CELSR3: variants seen among roughly 807,000 people sequenced by gnomAD.
CELSR3 encodes the protein cadherin EGF LAG seven-pass G-type receptor 3.
A neutral mutation model predicts 270.0 loss-of-function variants in CELSR3; 73 were observed. The ratio of observed to expected loss-of-function variants is 0.27; its 90% CI spans 0.22 to 0.33. The LOEUF (loss-of-function observed/expected upper bound fraction) is 0.33, where lower values mean the gene tolerates loss of function less well. Ranked by LOEUF, CELSR3 falls within the 10% of genes least tolerant of loss-of-function variation. CELSR3 has a pLI of 1.00. For missense variants in CELSR3, 3,614 were observed against 4,533.8 expected, an observed-to-expected ratio of 0.80 and a Z score of 5.83; for synonymous variants, 1,780 against 1,905.4, an observed-to-expected ratio of 0.93 and a Z score of 1.71.
intron 19 of CELSR3, 89 bp downstream of exon 19, chr3:48,648,177 C>A: frequency 6.8e-7 from 1 of 1,466,314 alleles, no homozygotes; most frequent in Admixed American, 1.8e-5. Flanking sequence ...TTAACATTGG[C>A]ATTGATAGCC....
chr3:48,656,823 G>C lies in CELSR3; in HGVS notation c.4274C>G (p.Pro1425Arg). Residue 1425 changes from proline (P) to arginine (R), a missense_variant, in exon 2 of 35, where the codon CCC (proline) becomes CGC (arginine). Pro to Arg is a moderately radical substitution (Grantham distance 103). Coordinates refer to ENST00000164024, the MANE Select transcript of CELSR3 (RefSeq NM_001407.3). ...CTCGCAAAAGTCTCCCGTGAATCCG[G>C]GCGGGCAGCGGCAGCGCAGGCCAGC... ...PIAGLRCRCPPGFTGDFCETE... is the reference protein window; with the variant it reads ...PIAGLRCRCPRGFTGDFCETE... 6.2e-7 allele frequency: 1 copy of C among 1,607,990 alleles called. No individual in the cohort carries two copies. The highest frequency in any genetic ancestry group is 8.5e-7 in the Non-Finnish European group (1 of 1,176,940).
chr3:48,651,837 C>T lies in CELSR3; in HGVS notation c.5923+40G>A, dbSNP rs1444589311. ...AGTCTTCATCATGGGCCCCTAACGC[C>T]TGCCCAGGTCACCCTTCCCCCAACC... On this transcript the variant is annotated intron_variant, in intron 12 of 34. Coordinates refer to ENST00000164024, the MANE Select transcript of CELSR3 (RefSeq NM_001407.3). The surrounding 1 kb of genome is among the most constrained non-coding windows in gnomAD (Gnocchi z 7.4). 6.3e-7 allele frequency: 1 copy of T among 1,578,766 alleles called. No homozygotes were observed. The highest frequency in any genetic ancestry group is 2.2e-5 in the East Asian group (1 of 44,720).
At position 48,638,094 on chromosome 3, in the gene CELSR3, C is replaced by T. The variant is rs567891164; in HGVS notation, c.*111G>A. 1 of 917,662 alleles carries T rather than the reference C, an allele frequency of 1.1e-6. No individual in the cohort carries two copies. The highest frequency in any genetic ancestry group is 1.4e-5 in the South Asian group (1 of 73,148). 56.8% of individuals were successfully genotyped at this position (917,662 alleles called of 1,614,324 possible). ...ACACCAGGTAGAGCTGGGGCACCCA[C>T]CACTGGGGAGCAGGAGGCTGCCTTG... On this transcript the variant is annotated 3_prime_UTR_variant, in exon 35 of 35. Transcript: ENST00000164024.
At chr3:48,648,238 G>GGGCCCCCCCC in intron 19 of CELSR3, 28 bp downstream of exon 19, 3 of 1,342,602 alleles carry the variant, frequency 2.2e-6, no homozygotes, top group Non-Finnish European at 3.2e-6. Context: ...CCCCTGCTGT[G>GGGCCCCCCCC]CCCCGCCCTA....
At position 48,652,191 on chromosome 3, in the gene CELSR3, C is replaced by A; in HGVS notation, c.5752-143G>T. On this transcript the variant is annotated intron_variant, in intron 11 of 34. Transcript: ENST00000164024. This position sits in a 1 kb window ranked among gnomAD's most constrained non-coding sequence, Gnocchi z 4.3. Reference sequence around the variant, plus strand: ...AAAACCCAGGCCTCAAAAATATCCCCAATTTGGTACCCCTGTGGGACCCTA... The same window carrying A: ...AAAACCCAGGCCTCAAAAATATCCCAAATTTGGTACCCCTGTGGGACCCTA... 1 of 872,618 alleles carries A rather than the reference C, an allele frequency of 1.1e-6. No individual in the cohort carries two copies. The highest frequency in any genetic ancestry group is 1.7e-6 in the Non-Finnish European group (1 of 589,786). The allele number at this position is 872,618 out of a possible 1,614,324, so 54.1% of individuals were successfully genotyped here.
In CELSR3 at chr3:48,640,490, C is replaced by T; in HGVS notation, c.9095G>A (p.Cys3032Tyr). ...QTRGAPELSW[C>Y]RAATLGHRAV... ...ACGGTGGCCCAAGGTGGCTGCACGGCACCAGGACAGCTCAGGGGCACCTCG... is the reference window on the plus strand; with the variant it reads ...ACGGTGGCCCAAGGTGGCTGCACGGTACCAGGACAGCTCAGGGGCACCTCG... The change falls in exon 34 of 35, where the codon TGC (cysteine) becomes TAC (tyrosine). Residue 3032 changes from cysteine to tyrosine, a missense_variant. Around this residue, in one of 7 missense-constraint regions of CELSR3, gnomAD observed 1,240 missense variants for 1,351.7 expected, o/e 0.92. Transcript: ENST00000164024. This position sits in a 1 kb window ranked among gnomAD's most constrained non-coding sequence, Gnocchi z 7.5. 6.2e-7 allele frequency: 1 copy of T among 1,611,644 alleles called. No individual in the cohort carries two copies. Among genetic ancestry groups the T allele is most frequent in the Non-Finnish European group, 8.5e-7 (1 of 1,179,522 alleles).
At chr3:48,647,064 C>T (rs1490223804) in intron 20 of CELSR3, 136 bp from the exon 21 acceptor site, 1 of 754,440 alleles carries the variant, frequency 1.3e-6, no homozygotes, top group Non-Finnish European at 2.0e-6. Context: ...AGCATGAACC[C>T]AGAAAGTAAC....
Position 48,661,519 on chromosome 3 carries a change from C to A in CELSR3, c.1116G>T (p.Ser372=), listed in dbSNP as rs747256518. 1 of 1,603,662 alleles carries A rather than the reference C, an allele frequency of 6.2e-7. No homozygotes were observed. Among genetic ancestry groups the A allele is most frequent in the Non-Finnish European group, 8.5e-7 (1 of 1,176,114 alleles). ...YSLAALMNSR[S]LELFSIDPQS... ...GCGGGTCGATGCTGAACAGCTCCAG[C>A]GAGCGGCTGTTCATGAGTGCCGCCA... The change falls in exon 1 of 35, where the codon TCG becomes TCT. Residue 372 remains serine (S), a synonymous_variant. Coordinates refer to ENST00000164024, the MANE Select transcript of CELSR3 (RefSeq NM_001407.3).
In CELSR3 at chr3:48,648,248, A is replaced by ACCCCCCCCACACCCCC; in HGVS notation, c.6973+17_6973+18insGGGGGTGTGGGGGGGG. 1.0e-6 allele frequency: 1 copy of ACCCCCCCCACACCCCC among 975,256 alleles called. No individual in the cohort carries two copies. 60.4% of individuals were successfully genotyped at this position (975,256 alleles called of 1,614,324 possible). ...TGGCCCCCCTGCTGTGCCCCGCCCTACCCCACCCACAACGCACTGATATTA... is the reference window on the plus strand; with the variant it reads ...TGGCCCCCCTGCTGTGCCCCGCCCTACCCCCCCCACACCCCCCCCCACCCACAACGCACTGATATTA... On this transcript the variant is annotated intron_variant, in intron 19 of 34. Coordinates refer to ENST00000164024, the MANE Select transcript of CELSR3 (RefSeq NM_001407.3).
chr3:48,659,828 T>C lies in CELSR3; in HGVS notation c.2807A>G (p.Asn936Ser), dbSNP rs2077053670. The C allele has an allele frequency of 6.2e-7, 1 of 1,614,094 alleles. No individual in the cohort carries two copies. The highest frequency in any genetic ancestry group is 1.3e-5 in the African/African-American group (1 of 74,928). ...AGTGTCTGCCTTCTGTGGGATGCCA[T>C]TGTCCCGAGCTGTGATAGCCAGGGT... ...TYTLAITARD[N>S]GIPQKADTTY... Residue 936 changes from asparagine (N) to serine (S), a missense_variant, in exon 1 of 35, where the codon AAT becomes AGT. By Grantham distance (46) the Asn-to-Ser change is conservative. Around this residue, in one of 7 missense-constraint regions of CELSR3, gnomAD observed 1,331 missense variants for 1,933.7 expected, o/e 0.69. Coordinates refer to ENST00000164024, the MANE Select transcript of CELSR3 (RefSeq NM_001407.3). This position sits in a 1 kb window ranked among gnomAD's most constrained non-coding sequence, Gnocchi z 8.1.
At position 48,638,089 on chromosome 3, in the gene CELSR3, A is replaced by C. The variant is rs1575536272; in HGVS notation, c.*116T>G. On this transcript the variant is annotated 3_prime_UTR_variant, in exon 35 of 35. Coordinates refer to ENST00000164024, the MANE Select transcript of CELSR3 (RefSeq NM_001407.3). ...CTGCCACACCAGGTAGAGCTGGGGC[A>C]CCCACCACTGGGGAGCAGGAGGCTG... is the stretch of plus-strand genomic sequence containing the variant. 2 of 849,940 alleles carry C rather than the reference A, an allele frequency of 2.4e-6. No homozygotes were observed. The allele number at this position is 849,940 out of a possible 1,614,324, so 52.6% of individuals were successfully genotyped here. A position where few individuals can be genotyped will look rare whatever the true frequency, so the allele number is the denominator to read the frequency against.
In CELSR3 at chr3:48,653,797, A is replaced by G; in HGVS notation, c.5279-9T>C. On this transcript the variant is annotated splice_polypyrimidine_tract_variant and intron_variant, in intron 8 of 34. Coordinates refer to ENST00000164024, the MANE Select transcript of CELSR3 (RefSeq NM_001407.3). The surrounding 1 kb of genome is among the most constrained non-coding windows in gnomAD (Gnocchi z 6.5). Reference sequence around the variant, plus strand: ...GTGGGGATGGGCCATAGCTGAGTGGATAAGAGAAACAGGGTTACAGCCCCT... The same window carrying G: ...GTGGGGATGGGCCATAGCTGAGTGGGTAAGAGAAACAGGGTTACAGCCCCT... 6.2e-7 allele frequency: 1 copy of G among 1,613,760 alleles called. No homozygotes were observed. Among genetic ancestry groups the G allele is most frequent in the South Asian group, 1.1e-5 (1 of 91,086 alleles).
Position 48,642,383 on chromosome 3 carries a change from G to A in CELSR3, c.8640C>T (p.Asp2880=), listed in dbSNP as rs375754260. 77 of 1,613,058 alleles carry A rather than the reference G, an allele frequency of 4.8e-5. No homozygotes were observed. The Middle Eastern group carries it at 8.2e-4, about 17-fold the overall frequency. ...LQAHAGPTDL[D]VAMFHRDAGA... The stretch of plus-strand genomic sequence containing the variant: ...CAGCATCTCGATGGAACATGGCCAC[G>A]TCCAGGTCAGTGGGGCCAGCATGAG... Residue 2880 remains aspartate (D), a synonymous_variant, in exon 31 of 35, where the codon GAC becomes GAT. Transcript: ENST00000164024. The surrounding 1 kb of genome is among the most constrained non-coding windows in gnomAD (Gnocchi z 6.1).
At position 48,660,219 on chromosome 3, in the gene CELSR3, T is replaced by A; in HGVS notation, c.2416A>T (p.Thr806Ser). Residue 806 changes from threonine (T) to serine (S), a missense_variant, in exon 1 of 35, where the codon ACC becomes TCC. By Grantham distance (58) the Thr-to-Ser change is moderately conservative (BLOSUM62 1). This residue lies in a region of CELSR3 where 215 missense variants were observed against 241.2 expected (regional missense o/e 0.89). Transcript: ENST00000164024. This position sits in a 1 kb window ranked among gnomAD's most constrained non-coding sequence, Gnocchi z 5.5. ...GNTRNRFAIS[T>S]QGGVGLVTLA... ...GTCACCAGACCCACACCCCCCTGGG[T>A]GCTGATGGCAAAGCGATTCCGGGTG... 2 of 1,614,110 alleles carry A rather than the reference T, an allele frequency of 1.2e-6. No individual in the cohort carries two copies.
At position 48,644,537 on chromosome 3, in the gene CELSR3, C is replaced by T. The variant is rs965813208; in HGVS notation, c.8085+179G>A. Reference sequence around the variant, plus strand: ...ACAGGCAACTGAATCTCTGACCCCGCGCCCCCATCTCCATGCCAGTTGAAT... The same window carrying T: ...ACAGGCAACTGAATCTCTGACCCCGTGCCCCCATCTCCATGCCAGTTGAAT... On this transcript the variant is annotated intron_variant, in intron 26 of 34. Transcript: ENST00000164024. The surrounding 1 kb of genome is among the most constrained non-coding windows in gnomAD (Gnocchi z 4.8). Among the ~76,000 whole-genome samples the T allele has an allele frequency of 7.2e-5, 11 of 152,038 alleles. No homozygotes were observed. The highest frequency in any genetic ancestry group is 1.2e-4 in the African/African-American group (5 of 41,364).
chr3:48,647,559 T>G (rs1287539784), intron 20 of CELSR3, among the ~76,000 whole-genome samples: 1 of 1,438 alleles, frequency 7.0e-4, no homozygotes, highest in Non-Finnish European at 2.0e-3. Flanking sequence ...GGAGGGAGGG[T>G]GGAGGGGAGA....
Position 48,650,568 on chromosome 3 carries a change from G to A in CELSR3, c.6384C>T (p.Ala2128=), listed in dbSNP as rs1222308129. 2 of 1,604,264 alleles carry A rather than the reference G, an allele frequency of 1.2e-6. No individual in the cohort carries two copies. Among genetic ancestry groups the A allele is most frequent in the Admixed American group, 1.8e-5 (1 of 56,518 alleles). The change falls in exon 16 of 35, where the codon GCC becomes GCT. Residue 2128 remains alanine (A), a synonymous_variant. Coordinates refer to ENST00000164024, the MANE Select transcript of CELSR3 (RefSeq NM_001407.3). The surrounding 1 kb of genome is among the most constrained non-coding windows in gnomAD (Gnocchi z 5.1). ...TASGCRVLYD[A]CPKSLRSGVW... ...CACCAGATCTCAGGGACTTAGGGCAGGCATCATAGAGCACTAGAGAGAGAA... is the reference window on the plus strand; with the variant it reads ...CACCAGATCTCAGGGACTTAGGGCAAGCATCATAGAGCACTAGAGAGAGAA...
Position 48,647,869 on chromosome 3 carries a change from G to A in CELSR3, c.7101C>T (p.Ser2367=). Residue 2367 remains serine (S), a synonymous_variant, in exon 20 of 35, where the codon TCC becomes TCT. Coordinates refer to ENST00000164024, the MANE Select transcript of CELSR3 (RefSeq NM_001407.3). ...CAGATGGGGATGGCCGTGGGGACTGGGAAGGCAGCAGCACATGGGTGTGAG... is the reference window on the plus strand; with the variant it reads ...CAGATGGGGATGGCCGTGGGGACTGAGAAGGCAGCAGCACATGGGTGTGAG... ...WDPHTHVLLP[S]QSPRPSPSEV... 1.2e-6 allele frequency: 2 copies of A among 1,611,166 alleles called. No individual in the cohort carries two copies. The highest frequency in any genetic ancestry group is 8.5e-7 in the Non-Finnish European group (1 of 1,179,576).
chr3:48,658,996 G>A lies in CELSR3; in HGVS notation c.3639C>T (p.Gly1213=). 1 of 1,614,188 alleles carries A rather than the reference G, an allele frequency of 6.2e-7. No individual in the cohort carries two copies. ...SDHLFYSFER[G]NELQLLVVNQ... Reference sequence around the variant, plus strand: ...TGACTACCAGCAGCTGCAGCTCATTGCCACGCTCAAAGGAGTAGAAGAGGT... The same window carrying A: ...TGACTACCAGCAGCTGCAGCTCATTACCACGCTCAAAGGAGTAGAAGAGGT... The change falls in exon 1 of 35, where the codon GGC becomes GGT. Residue 1213 remains glycine, a synonymous_variant. Coordinates refer to ENST00000164024, the MANE Select transcript of CELSR3 (RefSeq NM_001407.3). The surrounding 1 kb of genome is among the most constrained non-coding windows in gnomAD (Gnocchi z 4.7).
Sources: gnomAD v4.1 joint callset for allele counts (sites outside exome capture counted in the v4.1 genomes callset) on GRCh38, gnomAD v4.1.1 for gene constraint, gnomAD v4.1.1 regional missense constraint, Gnocchi (gnomAD v3.1) non-coding constraint, MANE v1.5 for transcripts, NCBI Gene and HGNC (gene_info 2026-07-23, HGNC 2026-07-21) for gene names.